Variants in ZDHHC7 observed in about 807,000 individuals in gnomAD.
ZDHHC7 encodes the protein zDHHC palmitoyltransferase 7.
ZDHHC7 carries 12 observed loss-of-function variants against 34.1 expected under a neutral mutation model. That is an observed-to-expected ratio of 0.35 (90% CI 0.23 to 0.57). ZDHHC7 has a LOEUF of 0.57. Ranked by LOEUF, ZDHHC7 falls within the 20% of genes least tolerant of loss-of-function variation. The probability of loss-of-function intolerance (pLI) is 0.84; values close to 1 mark genes in which losing one functional copy is unlikely to be tolerated. For synonymous variants in ZDHHC7, 185 were observed against 155.4 expected, an observed-to-expected ratio of 1.19 and a Z score of -1.42; for missense variants, 388 against 402.7, an observed-to-expected ratio of 0.96 and a Z score of 0.31.
intron 2 of ZDHHC7, among the ~76,000 whole-genome samples, chr16:84,992,683 A>G (rs2072526970): frequency 1.3e-5 from 2 of 152,182 alleles, no homozygotes. Flanking sequence ...GCACCTTCTC[A>G]GAGCAGGAGC....
chr16:84,997,682 C>G (rs548206415), intron 1 of ZDHHC7, among the ~76,000 whole-genome samples: 2 of 150,588 alleles, frequency 1.3e-5, no homozygotes, highest in East Asian at 4.0e-4. Flanking sequence ...ATCACAAGGT[C>G]AGGAGATCGA....
intron 2 of ZDHHC7, among the ~76,000 whole-genome samples, chr16:84,994,910 G>A (rs188735531): frequency 6.6e-6 from 1 of 152,304 alleles, no homozygotes; most frequent in East Asian, 1.9e-4. Flanking sequence ...GCACTCACTC[G>A]TGTCTCTGAG....
chr16:85,023,746 G>A, the ZDHHC7 span, among the ~76,000 whole-genome samples: 1 of 151,898 alleles, frequency 6.6e-6, no homozygotes, highest in South Asian at 2.1e-4. Flanking sequence ...AGGCTTCCAA[G>A]TAGCCAGGAC....
intron 1 of ZDHHC7, among the ~76,000 whole-genome samples, chr16:85,008,646 G>A (rs943836685): frequency 6.6e-6 from 1 of 151,928 alleles, no homozygotes; most frequent in Non-Finnish European, 1.5e-5. Context: ...CAACCGAAGG[G>A]TCACACAGCA....
chr16:84,986,450 G>A (rs982229941), intron 3 of ZDHHC7, among the ~76,000 whole-genome samples: 7 of 152,314 alleles, frequency 4.6e-5, no homozygotes, highest in East Asian at 1.9e-4. Flanking sequence ...GGCTACCTCC[G>A]GAAGGCACTC....
intron 1 of ZDHHC7, among the ~76,000 whole-genome samples, chr16:84,996,843 A>G (rs1193480999): frequency 6.6e-6 from 1 of 152,074 alleles, no homozygotes; most frequent in Non-Finnish European, 1.5e-5. Flanking sequence ...CCTGGCCAAG[A>G]TGGTGAAACC....
chr16:84,979,119 G>A (rs994861237), intron 5 of ZDHHC7, 70 bp downstream of exon 5: 1 of 1,460,816 alleles, frequency 6.8e-7, no homozygotes, highest in Non-Finnish European at 9.2e-7. Flanking sequence ...AGATTTCTCT[G>A]CTCCAGGCAA....
the ZDHHC7 span, among the ~76,000 whole-genome samples, chr16:85,016,849 A>G: frequency 6.6e-6 from 1 of 152,146 alleles, no homozygotes; most frequent in Non-Finnish European, 1.5e-5. Context: ...CGGAAGTGAT[A>G]TGTGGTCTTC....
intron 1 of ZDHHC7, among the ~76,000 whole-genome samples, chr16:85,006,477 G>A (rs940087421): frequency 6.6e-6 from 1 of 152,132 alleles, no homozygotes; most frequent in Non-Finnish European, 1.5e-5. Context: ...ACTTTAGGAG[G>A]CTGAGGTGGG....
Position 84,975,821 on chromosome 16 carries a change from T to C in ZDHHC7, c.*522A>G, listed in dbSNP as rs187507208. 2.1e-3 allele frequency: 329 copies of C among 156,324 alleles called. No individual in the cohort carries two copies. The highest frequency in any genetic ancestry group is 9.9e-3 in the Middle Eastern group (3 of 302). The allele number at this position is 156,324 out of a possible 1,614,324, so 9.7% of individuals were successfully genotyped here. A position where few individuals can be genotyped will look rare whatever the true frequency, so the allele number is the denominator to read the frequency against. On this transcript the variant is annotated 3_prime_UTR_variant, in exon 8 of 8. Transcript: ENST00000313732. Reference sequence around the variant, plus strand: ...AGCGGGGAGTGTGCCGGAAGCCACCTTCACTGTTCAGTGCACAGATCTTTT... The same window carrying C: ...AGCGGGGAGTGTGCCGGAAGCCACCCTCACTGTTCAGTGCACAGATCTTTT...
intron 2 of ZDHHC7, among the ~76,000 whole-genome samples, chr16:84,993,285 C>T (rs570243865): frequency 4.6e-5 from 7 of 152,086 alleles, no homozygotes; most frequent in South Asian, 2.1e-4. Context: ...CATGCCACCG[C>T]GCTCCAGCCT....
At chr16:84,992,095 G>C (rs2143651842) in intron 2 of ZDHHC7, among the ~76,000 whole-genome samples, 1 of 151,562 alleles carries the variant, frequency 6.6e-6, no homozygotes, top group African/African-American at 2.4e-5. Context: ...AGAATCACTT[G>C]AACCTGGGAG....
chr16:85,023,546 C>G, the ZDHHC7 span, among the ~76,000 whole-genome samples: 5 of 152,196 alleles, frequency 3.3e-5, no homozygotes, highest in African/African-American at 1.2e-4. Context: ...CAAACACACA[C>G]AGAACTGGTG....
chr16:85,025,872 G>C, the ZDHHC7 span, among the ~76,000 whole-genome samples: 2 of 152,224 alleles, frequency 1.3e-5, no homozygotes, highest in East Asian at 1.9e-4. Flanking sequence ...GTGTGACTTG[G>C]TCTTTGTCAC....
the ZDHHC7 span, among the ~76,000 whole-genome samples, chr16:85,016,897 C>A: frequency 2.6e-5 from 4 of 152,056 alleles, no homozygotes; most frequent in African/African-American, 9.7e-5. Flanking sequence ...CAGCTTTATA[C>A]AAAAATAATC....
intron 1 of ZDHHC7, among the ~76,000 whole-genome samples, chr16:85,006,276 T>C (rs1315476857): frequency 6.6e-6 from 1 of 152,154 alleles, no homozygotes; most frequent in East Asian, 1.9e-4. Context: ...GGAGGATTAC[T>C]TGAGCCCAGG....
In ZDHHC7 at chr16:84,976,613, G is replaced by T; in HGVS notation, c.751-94C>A. 4.0e-6 allele frequency: 6 copies of T among 1,487,416 alleles called. No individual in the cohort carries two copies. In the South Asian group the frequency reaches 7.5e-5, roughly 18 times the overall value. 92.1% of individuals were successfully genotyped at this position (1,487,416 alleles called of 1,614,324 possible). A position where few individuals can be genotyped will look rare whatever the true frequency, so the allele number is the denominator to read the frequency against. ...ATCACACCGTGCTCAAGCACAGTGTGGGCTCGATGGAGGGTAGGTGAGTGA... is the reference window on the plus strand; with the variant it reads ...ATCACACCGTGCTCAAGCACAGTGTTGGCTCGATGGAGGGTAGGTGAGTGA... On this transcript the variant is annotated intron_variant, in intron 7 of 7. Transcript: ENST00000313732.
intron 1 of ZDHHC7, among the ~76,000 whole-genome samples, chr16:85,010,914 T>C (rs910176374): frequency 2.6e-5 from 4 of 152,248 alleles, no homozygotes; most frequent in South Asian, 2.1e-4. Flanking sequence ...CTCATTGTAA[T>C]ACCTGCCTAT....
intron 3 of ZDHHC7, among the ~76,000 whole-genome samples, chr16:84,989,399 T>G (rs1253043154): frequency 6.6e-6 from 1 of 152,124 alleles, no homozygotes; most frequent in Admixed American, 6.5e-5. Flanking sequence ...CAGTTTATTC[T>G]CAAAAAAGAG....
Sources: gnomAD v4.1 joint callset for allele counts (sites outside exome capture counted in the v4.1 genomes callset) on GRCh38, gnomAD v4.1.1 for gene constraint, MANE v1.5 for transcripts, NCBI Gene and HGNC (gene_info 2026-07-23, HGNC 2026-07-21) for gene names.